TET3: variants seen among roughly 807,000 people sequenced by gnomAD.
TET3 encodes methylcytosine dioxygenase TET3.
A neutral mutation model predicts 141.4 loss-of-function variants in TET3; 19 were observed. The ratio of observed to expected loss-of-function variants is 0.13; its 90% CI spans 0.09 to 0.20. TET3 has a LOEUF of 0.20. TET3 is among the 10% of genes least tolerant of loss of function. The probability of loss-of-function intolerance (pLI) is 1.00; values close to 1 mark genes in which losing one functional copy is unlikely to be tolerated. For synonymous variants in TET3, 1,043 were observed against 980.9 expected (o/e 1.06, Z -1.18); for missense variants, 1,874 against 2,356.9 (o/e 0.80, Z 4.24).
the TET3 span, among the ~76,000 whole-genome samples, chr2:74,116,689 TAAA>T: frequency 1.1e-3 from 145 of 133,030 alleles, no homozygotes; most frequent in African/African-American, 2.8e-3. Flanking sequence ...CATCCCAAGT[TAAA>T]AAAAAAAAAA....
chr2:73,993,693 T>C (rs1684442693), intron 2 of TET3: 1 of 152,154 alleles, frequency 6.6e-6, no homozygotes, highest in African/African-American at 2.4e-5. Context: ...CCTTGTAGTT[T>C]AGTGAGTTAT....
chr2:74,038,659 G>C (rs145210811), intron 3 of TET3, among the ~76,000 whole-genome samples: 1 of 152,314 alleles, frequency 6.6e-6, no homozygotes, highest in Non-Finnish European at 1.5e-5. Flanking sequence ...AAGTATAGGG[G>C]TGATGAGGCT....
Position 74,046,389 on chromosome 2 carries a change from G to A in TET3, c.472G>A (p.Gly158Ser). The change falls in exon 4 of 12, where the codon GGT becomes AGT. Residue 158 changes from glycine (G) to serine (S), a missense_variant. Around this residue, in one of 10 missense-constraint regions of TET3, gnomAD observed 366 missense variants for 487.0 expected, o/e 0.75. Transcript: ENST00000409262. This position sits in a 1 kb window ranked among gnomAD's most constrained non-coding sequence, Gnocchi z 4.3. Reference sequence around the variant, plus strand: ...AAGCGCCTCAGGGGTGCCGGTCAATGGTGCTAGAGAGCCCGCTGGACCCAG... The same window carrying A: ...AAGCGCCTCAGGGGTGCCGGTCAATAGTGCTAGAGAGCCCGCTGGACCCAG... Reference protein sequence around the residue: ...QLSASGVPVNGAREPAGPSLL... With the variant: ...QLSASGVPVNSAREPAGPSLL... 1 of 1,546,050 alleles carries A rather than the reference G, an allele frequency of 6.5e-7. No individual in the cohort carries two copies.
In TET3 at chr2:74,105,518, T is replaced by C. The variant is rs1691443193; in HGVS notation, c.*3342T>C. 2.5e-6 allele frequency: 1 copy of C among 398,142 alleles called. No homozygotes were observed. Among genetic ancestry groups the C allele is most frequent in the South Asian group, 1.4e-4 (1 of 7,030 alleles). 24.7% of individuals were successfully genotyped at this position (398,142 alleles called of 1,614,324 possible). On this transcript the variant is annotated 3_prime_UTR_variant, in exon 12 of 12. Transcript: ENST00000409262. ...GGGTCTTTCGGTTTTTGGTTTTGGGTCTGGCTTTTAGCAGGGCCAATGTTT... is the reference window on the plus strand; with the variant it reads ...GGGTCTTTCGGTTTTTGGTTTTGGGCCTGGCTTTTAGCAGGGCCAATGTTT...
intron 3 of TET3, among the ~76,000 whole-genome samples, chr2:74,041,058 C>T (rs1235451818): frequency 6.6e-6 from 1 of 152,128 alleles, no homozygotes; most frequent in African/African-American, 2.4e-5. Flanking sequence ...GCCTCCCTGC[C>T]GATAATTGCC....
rs1159569031 is a variant in TET3 at position 74,106,936 on chromosome 2, A to G, written c.*4760A>G. ...GAAGGAGCGTAGTTGGCTGTATTTC[A>G]TGTTTAAGTTTTGCTTTTGAATAAA... On this transcript the variant is annotated 3_prime_UTR_variant, in exon 12 of 12. Coordinates refer to ENST00000409262, the MANE Select transcript of TET3 (RefSeq NM_001287491.2). 1 of 152,138 alleles carries G rather than the reference A, an allele frequency of 6.6e-6. No individual in the cohort carries two copies. Among genetic ancestry groups the G allele is most frequent in the African/African-American group, 2.4e-5 (1 of 41,382 alleles). The allele number at this position is 152,138 out of a possible 1,614,324, so 9.4% of individuals were successfully genotyped here.
At chr2:74,077,156 G>A (rs1029833581) in intron 5 of TET3, among the ~76,000 whole-genome samples, 7 of 152,176 alleles carry the variant, frequency 4.6e-5, no homozygotes, top group African/African-American at 1.7e-4. Flanking sequence ...TCTGAGATTT[G>A]GGGGAACTGG....
chr2:74,080,808 G>T (rs886703335), intron 6 of TET3, among the ~76,000 whole-genome samples: 2 of 152,176 alleles, frequency 1.3e-5, no homozygotes, highest in African/African-American at 4.8e-5. Context: ...AGCCTCAGCT[G>T]TTTGTCCTCA....
At chr2:74,122,224 T>G in the TET3 span, 1 of 151,678 alleles carries the variant, frequency 6.6e-6, no homozygotes, top group East Asian at 1.9e-4. Context: ...GACAAAAATA[T>G]AGAAAAACAA....
intron 3 of TET3, among the ~76,000 whole-genome samples, chr2:74,019,837 C>T (rs772581937): frequency 3.9e-5 from 6 of 152,192 alleles, no homozygotes; most frequent in Non-Finnish European, 7.3e-5. Flanking sequence ...CCCTCTGAGC[C>T]TCTATCTCAT....
At chr2:74,129,411 T>C in the TET3 span, among the ~76,000 whole-genome samples, 2 of 142,564 alleles carry the variant, frequency 1.4e-5, no homozygotes, top group African/African-American at 5.2e-5. Context: ...GGCAGGCAGA[T>C]CACCTGAGGT....
intron 2 of TET3, among the ~76,000 whole-genome samples, chr2:73,987,252 T>G (rs1358044728): frequency 6.6e-6 from 1 of 152,228 alleles, no homozygotes; most frequent in Admixed American, 6.5e-5. Flanking sequence ...TAGTTCTTCT[T>G]GCGGTCAAAA....
intron 10 of TET3, among the ~76,000 whole-genome samples, chr2:74,097,017 C>T (rs1232154216): frequency 2.7e-5 from 4 of 150,752 alleles, no homozygotes; most frequent in Non-Finnish European, 4.4e-5. Context: ...CACTTGAGCC[C>T]AGGAGGTTGA....
rs146810949 is a variant in TET3 at position 74,107,838 on chromosome 2, T to C, written c.*5662T>C. 18 of 152,388 alleles carry C rather than the reference T, an allele frequency of 1.2e-4. No homozygotes were observed. Among genetic ancestry groups the C allele is most frequent in the African/African-American group, 4.1e-4 (17 of 41,582 alleles). The allele number at this position is 152,388 out of a possible 1,614,324, so 9.4% of individuals were successfully genotyped here. On this transcript the variant is annotated 3_prime_UTR_variant, in exon 12 of 12. Transcript: ENST00000409262. Reference sequence around the variant, plus strand: ...GGATGAATGGTAGATTTTTGCAATGTCTCAAGGCAATAGGATGTGTATTAA... The same window carrying C: ...GGATGAATGGTAGATTTTTGCAATGCCTCAAGGCAATAGGATGTGTATTAA...
At chr2:74,088,659 C>T (rs1690295269) in intron 7 of TET3, among the ~76,000 whole-genome samples, 1 of 151,810 alleles carries the variant, frequency 6.6e-6, no homozygotes, top group Non-Finnish European at 1.5e-5. Context: ...ACAAAAAAAC[C>T]CTGCCCTTAT....
intron 4 of TET3, among the ~76,000 whole-genome samples, chr2:74,064,266 G>T (rs1688758474): frequency 6.6e-6 from 1 of 152,042 alleles, no homozygotes; most frequent in Admixed American, 6.6e-5. Flanking sequence ...ATCTCGGTGA[G>T]TTATGAATAT....
chr2:74,003,190 G>C, intron 3 of TET3, 24 bp downstream of exon 3: 2 of 1,232,280 alleles, frequency 1.6e-6, no homozygotes, highest in South Asian at 1.3e-5. Context: ...GTGCGTGCGT[G>C]TGTGTGCGTG....
chr2:74,125,491 C>T, the TET3 span, among the ~76,000 whole-genome samples: 1 of 152,174 alleles, frequency 6.6e-6, no homozygotes, highest in Non-Finnish European at 1.5e-5. Context: ...TGAAGCTTTA[C>T]ATGGAAAGCT....
intron 3 of TET3, among the ~76,000 whole-genome samples, chr2:74,025,335 C>T (rs1686280479): frequency 6.7e-6 from 1 of 148,926 alleles, no homozygotes; most frequent in Non-Finnish European, 1.5e-5. Context: ...GTTGCCCAGG[C>T]TGGAGTGCAG....
Sources: gnomAD v4.1 joint callset for allele counts (sites outside exome capture counted in the v4.1 genomes callset) on GRCh38, gnomAD v4.1.1 for gene constraint, gnomAD v4.1.1 regional missense constraint, Gnocchi (gnomAD v3.1) non-coding constraint, MANE v1.5 for transcripts, NCBI Gene and HGNC (gene_info 2026-07-23, HGNC 2026-07-21) for gene names.